Variants in UFD1 observed in about 807,000 individuals in gnomAD.
UFD1 encodes ubiquitin recognition factor in ER associated degradation 1, also known as ubiquitin recognition factor in ER-associated degradation protein 1.
A neutral mutation model predicts 45.9 loss-of-function variants in UFD1; 13 were observed. The observed-to-expected ratio is 0.28, with a 90% CI of 0.18 to 0.45. The LOEUF (loss-of-function observed/expected upper bound fraction) is 0.45. UFD1 is among the 20% of genes least tolerant of loss of function. The pLI is 1.00. For missense variants in UFD1, 218 were observed against 389.2 expected (o/e 0.56, Z 3.70); for synonymous variants, 128 against 139.2 (o/e 0.92, Z 0.56).
intron 9 of UFD1, among the ~76,000 whole-genome samples, chr22:19,455,991 A>G (rs1474360098): frequency 2.0e-5 from 3 of 152,196 alleles, no homozygotes; most frequent in African/African-American, 7.2e-5. Flanking sequence ...AAGGGCAGCC[A>G]GCAGTCAGTG....
intron 1 of UFD1, among the ~76,000 whole-genome samples, chr22:19,477,173 A>G (rs908915464): frequency 2.0e-5 from 3 of 152,180 alleles, no homozygotes; most frequent in African/African-American, 7.2e-5. Context: ...GAAACCACCT[A>G]AAATCTCACA....
At chr22:19,469,938 T>C (rs2089831514) in intron 4 of UFD1, 3 of 518,494 alleles carry the variant, frequency 5.8e-6, no homozygotes, top group South Asian at 4.2e-5. Context: ...AGTCTATGGG[T>C]TAAAGGAGAA....
chr22:19,465,476 C>G, intron 5 of UFD1: 1 of 523,388 alleles, frequency 1.9e-6, no homozygotes, highest in Non-Finnish European at 3.4e-6. Flanking sequence ...AAATGCCAAG[C>G]TGGGGTAACA....
intron 6 of UFD1, among the ~76,000 whole-genome samples, chr22:19,463,982 A>G (rs2089784724): frequency 6.6e-6 from 1 of 152,220 alleles, no homozygotes. Flanking sequence ...AACTGCCTGT[A>G]ATTAATTATA....
At chr22:19,450,827 T>C in intron 11 of UFD1, 83 bp from the exon 12 acceptor site, 1 of 1,600,570 alleles carries the variant, frequency 6.2e-7, no homozygotes, top group Non-Finnish European at 8.5e-7. Flanking sequence ...TCACGTACCA[T>C]CCACATTACT....
At chr22:19,455,590 T>G in intron 10 of UFD1, 90 bp downstream of exon 10, 1 of 1,236,852 alleles carries the variant, frequency 8.1e-7, no homozygotes, top group Non-Finnish European at 1.2e-6. Context: ...GACCCAGGCT[T>G]TGTCTCCAGA....
chr22:19,456,673 G>C (rs1262593423), intron 8 of UFD1, 39 bp from the exon 9 acceptor site: 15 of 1,614,006 alleles, frequency 9.3e-6, no homozygotes, highest in Non-Finnish European at 1.3e-5. Flanking sequence ...CTCCTCAGCG[G>C]GGACACCCAG....
At chr22:19,477,941 T>TC (rs1231731943) in intron 1 of UFD1, among the ~76,000 whole-genome samples, 4 of 152,228 alleles carry the variant, frequency 2.6e-5, no homozygotes, top group Non-Finnish European at 5.9e-5. Flanking sequence ...GCATAACTGT[T>TC]CAGCTAAATC....
rs1465629366 is a variant in UFD1, at chr22:19,455,571, G to GA, written c.767+108dup. 1.4e-5 allele frequency: 14 copies of GA among 994,580 alleles called. No homozygotes were observed. In the Middle Eastern group the frequency reaches 2.0e-3, roughly 139 times the overall value. 61.6% of individuals were successfully genotyped at this position (994,580 alleles called of 1,614,324 possible). A position where few individuals can be genotyped will look rare whatever the true frequency, so the allele number is the denominator to read the frequency against. On this transcript the variant is annotated intron_variant, in intron 10 of 11. Transcript: ENST00000263202. The stretch of plus-strand genomic sequence containing the variant: ...GCAGCTAAGGGTTTTAGTCCCTTGG[G>GA]AGACTACTGACCCAGGCTTTGTCTC...
At chr22:19,477,740 T>C (rs2089895829) in intron 1 of UFD1, among the ~76,000 whole-genome samples, 1 of 152,036 alleles carries the variant, frequency 6.6e-6, no homozygotes, top group Non-Finnish European at 1.5e-5. Flanking sequence ...TGATTCCAAA[T>C]ATATATTTAG....
At chr22:19,465,384 T>G in intron 5 of UFD1, 110 bp from the exon 6 acceptor site, 1 of 891,370 alleles carries the variant, frequency 1.1e-6, no homozygotes, top group South Asian at 1.5e-5. Context: ...TGATGGTACT[T>G]GAAACACGAA....
chr22:19,466,495 T>C (rs2089803146), intron 5 of UFD1: 1 of 152,178 alleles, frequency 6.6e-6, no homozygotes, highest in South Asian at 2.1e-4. Context: ...CACTAACAAG[T>C]TAATTGTGCT....
intron 1 of UFD1, among the ~76,000 whole-genome samples, chr22:19,477,548 G>C (rs372187959): frequency 9.9e-5 from 15 of 152,152 alleles, no homozygotes; most frequent in East Asian, 3.8e-4. Flanking sequence ...AGAAAATGGA[G>C]AGCTATTGTT....
At chr22:19,468,363 T>C (rs573329461) in intron 4 of UFD1, among the ~76,000 whole-genome samples, 264 of 152,234 alleles carry the variant, frequency 1.7e-3, no homozygotes, top group African/African-American at 5.9e-3. Context: ...CTGCGTCAAG[T>C]AGGGCTGCAC....
chr22:19,457,036 G>C, intron 7 of UFD1, 118 bp from the exon 8 acceptor site: 2 of 750,376 alleles, frequency 2.7e-6, no homozygotes, highest in South Asian at 3.1e-5. Flanking sequence ...TAATACAAAA[G>C]ATGCCTTGTA....
chr22:19,461,564 T>C (rs2089766498), intron 6 of UFD1, among the ~76,000 whole-genome samples: 1 of 152,270 alleles, frequency 6.6e-6, no homozygotes. Flanking sequence ...TCTATGTATC[T>C]GTATCAAGTG....
In UFD1 at chr22:19,475,072, T is replaced by C. The variant is rs745784346; in HGVS notation, c.165A>G (p.Gln55=). 2 of 1,609,302 alleles carry C rather than the reference T, an allele frequency of 1.2e-6. No homozygotes were observed. The highest frequency in any genetic ancestry group is 1.1e-5 in the South Asian group (1 of 90,152). ...KIIMPPSALD[Q]LSRLNITYPM... ...AGTCACTCAGAAGATACTTACTGAG[T>C]TGGTCCAGGGCCGAGGGTGGCATAA... Residue 55 remains glutamine (Q), a synonymous_variant, in exon 3 of 12, where the codon CAA becomes CAG. Transcript: ENST00000263202.
At chr22:19,451,578 C>G (rs2089683086) in intron 11 of UFD1, 4 of 985,256 alleles carry the variant, frequency 4.1e-6, no homozygotes, top group South Asian at 4.7e-5. Flanking sequence ...GAGGCATTAT[C>G]TCAACTTTTC....
intron 3 of UFD1, among the ~76,000 whole-genome samples, chr22:19,474,227 T>C (rs1214993102): frequency 2.0e-5 from 3 of 152,102 alleles, no homozygotes; most frequent in Non-Finnish European, 4.4e-5. Context: ...ATGCTGAGGA[T>C]GCATTGGTGC....
Sources: gnomAD v4.1 joint callset for allele counts (sites outside exome capture counted in the v4.1 genomes callset) on GRCh38, gnomAD v4.1.1 for gene constraint, MANE v1.5 for transcripts, NCBI Gene and HGNC (gene_info 2026-07-23, HGNC 2026-07-21) for gene names.